Variants in TRIO observed in about 807,000 individuals in gnomAD.
TRIO encodes trio Rho guanine nucleotide exchange factor.
Under a neutral mutation model 351.9 loss-of-function variants are expected in TRIO, and 58 were observed. The observed-to-expected ratio is 0.16, with a 90% confidence interval of 0.13 to 0.21. The LOEUF (loss-of-function observed/expected upper bound fraction) is 0.21. Ranked by LOEUF, TRIO falls within the 10% of genes least tolerant of loss-of-function variation. TRIO has a pLI of 1.00. For synonymous variants in TRIO, 1,758 were observed against 1,595.7 expected, an observed-to-expected ratio of 1.10 and a Z score of -2.42; for missense variants, 3,201 against 4,027.8, an observed-to-expected ratio of 0.79 and a Z score of 5.56.
chr5:14,168,285 G>A (rs1158149238), intron 1 of TRIO, among the ~76,000 whole-genome samples: 1 of 152,214 alleles, frequency 6.6e-6, no homozygotes, highest in East Asian at 1.9e-4. Flanking sequence ...TCATGACTGA[G>A]TTTTATGTGC....
At chr5:14,257,446 A>G (rs560691232) in intron 1 of TRIO, among the ~76,000 whole-genome samples, 1 of 151,778 alleles carries the variant, frequency 6.6e-6, no homozygotes, top group Non-Finnish European at 1.5e-5. Flanking sequence ...AAAAAAAAAA[A>G]TTTTGCTCAC....
At chr5:14,416,376 G>C (rs1561465052) in intron 33 of TRIO, among the ~76,000 whole-genome samples, 1 of 151,896 alleles carries the variant, frequency 6.6e-6, no homozygotes, top group Non-Finnish European at 1.5e-5. Context: ...TGAGCATTGA[G>C]GTGCATCCCC....
rs1458407093 is a variant in TRIO, at chr5:14,337,484, A to T, written c.2046+757A>T. On this transcript the variant is annotated intron_variant, in intron 11 of 56. Coordinates refer to ENST00000344204, the MANE Select transcript of TRIO (RefSeq NM_007118.4). ...GCGTCACTGAGGACCTTCACAGAGG[A>T]TCGTAACTTATTCAGATGCAGCTCT... Among the ~76,000 whole-genome samples the T allele has an allele frequency of 2.6e-5, 4 of 152,292 alleles. No homozygotes were observed. The East Asian group carries it at 7.7e-4, about 29-fold the overall frequency.
At chr5:14,221,954 A>G (rs1792658211) in intron 1 of TRIO, among the ~76,000 whole-genome samples, 1 of 152,216 alleles carries the variant, frequency 6.6e-6, no homozygotes, top group East Asian at 1.9e-4. Flanking sequence ...GAAGTTTTTC[A>G]TCACAGGAAG....
intron 1 of TRIO, chr5:14,183,723 T>C (rs1789934226): frequency 2.2e-6 from 1 of 453,834 alleles, no homozygotes; most frequent in African/African-American, 2.0e-5. Context: ...TCTGTGCTGT[T>C]TCTGCCCCTC....
intron 28 of TRIO, 75 bp from the exon 29 acceptor site, chr5:14,396,968 A>T: frequency 7.7e-7 from 1 of 1,307,052 alleles, no homozygotes; most frequent in South Asian, 1.4e-5. Context: ...GGGCTTTCAT[A>T]AACTGTTTCT....
At chr5:14,291,602 A>G (rs1736909225) in intron 5 of TRIO, among the ~76,000 whole-genome samples, 1 of 151,870 alleles carries the variant, frequency 6.6e-6, no homozygotes, top group Non-Finnish European at 1.5e-5. Context: ...CAGTCTGGCC[A>G]ACATAGTGAA....
At chr5:14,385,710 T>G (rs773799326) in intron 21 of TRIO, among the ~76,000 whole-genome samples, 11 of 152,348 alleles carry the variant, frequency 7.2e-5, no homozygotes, top group Non-Finnish European at 1.3e-4. Flanking sequence ...ATCCTGTAAA[T>G]GTATTTTAAA....
intron 34 of TRIO, among the ~76,000 whole-genome samples, chr5:14,440,130 A>G (rs1751908390): frequency 1.3e-5 from 2 of 152,234 alleles, no homozygotes; most frequent in Non-Finnish European, 2.9e-5. Context: ...TATACTGTCA[A>G]GTTAGATAAA....
chr5:14,508,179 A>G lies in TRIO; in HGVS notation c.9051A>G (p.Lys3017=), dbSNP rs751518687. ...LDFSFPDDYF[K]GVSQKAKEFV... ...TTAGCTTCCCAGATGACTACTTTAA[A>G]GGAGTGAGCCAGAAGGCCAAGGAGT... Residue 3017 remains lysine, a synonymous_variant, in exon 57 of 57, where the codon AAA becomes AAG. Transcript: ENST00000344204. 6.2e-7 allele frequency: 1 copy of G among 1,614,172 alleles called. No individual in the cohort carries two copies. Among genetic ancestry groups the G allele is most frequent in the Non-Finnish European group, 8.5e-7 (1 of 1,180,036 alleles).
At chr5:14,231,602 C>T (rs1204084031) in intron 1 of TRIO, among the ~76,000 whole-genome samples, 2 of 152,192 alleles carry the variant, frequency 1.3e-5, no homozygotes, top group Non-Finnish European at 2.9e-5. Context: ...TCTTCTCTGC[C>T]TTGGAAGCAT....
chr5:14,321,923 T>C (rs1739927764), intron 9 of TRIO, among the ~76,000 whole-genome samples: 2 of 152,252 alleles, frequency 1.3e-5, no homozygotes, highest in South Asian at 4.1e-4. Context: ...TGCTTCTCCT[T>C]TGCCTTCCAC....
chr5:14,162,235 G>A (rs892853599), intron 1 of TRIO, among the ~76,000 whole-genome samples: 1 of 152,200 alleles, frequency 6.6e-6, no homozygotes, highest in Non-Finnish European at 1.5e-5. Context: ...ATCCTGGCTC[G>A]TGGAGGAGCT....
intron 18 of TRIO, among the ~76,000 whole-genome samples, chr5:14,370,010 G>T (rs1199397904): frequency 6.6e-6 from 1 of 152,234 alleles, no homozygotes; most frequent in Non-Finnish European, 1.5e-5. Context: ...CTCAGGAAAT[G>T]CTTCCGACAA....
At chr5:14,290,294 C>T (rs1363741459) in intron 4 of TRIO, among the ~76,000 whole-genome samples, 3 of 152,200 alleles carry the variant, frequency 2.0e-5, no homozygotes. Context: ...CACAGAGTTT[C>T]TGGCATGGAT....
At chr5:14,276,693 G>A (rs181627721) in intron 2 of TRIO, among the ~76,000 whole-genome samples, 55 of 152,286 alleles carry the variant, frequency 3.6e-4, no homozygotes, top group Non-Finnish European at 4.4e-5. Context: ...CAGTTGGTTC[G>A]TTGAAATTTA....
At position 14,329,333 on chromosome 5, in the gene TRIO, G is replaced by C. The variant is rs114985066; in HGVS notation, c.1732-1445G>C. Among the ~76,000 whole-genome samples, 867 of 152,362 alleles carry C rather than the reference G, an allele frequency of 5.7e-3. 1 individual carries two copies. The highest frequency in any genetic ancestry group is 0.01 in the Non-Finnish European group (708 of 68,030). On this transcript the variant is annotated intron_variant, in intron 9 of 56. Transcript: ENST00000344204. ...CAAATTCATGTTGAAATATACTCCA[G>C]AAGAGGTGGGGCTTCCAGGAGGGAA...
chr5:14,449,343 G>C (rs1011954119), intron 34 of TRIO, among the ~76,000 whole-genome samples: 2 of 152,188 alleles, frequency 1.3e-5, no homozygotes, highest in Admixed American at 1.3e-4. Context: ...AAGTCCCATG[G>C]AGGCGGCTTC....
At chr5:14,180,127 A>G (rs951817691) in intron 1 of TRIO, among the ~76,000 whole-genome samples, 1 of 151,146 alleles carries the variant, frequency 6.6e-6, no homozygotes. Flanking sequence ...AAAAAAAAAA[A>G]AGATTAACTG....
Sources: gnomAD v4.1 joint callset for allele counts (sites outside exome capture counted in the v4.1 genomes callset) on GRCh38, gnomAD v4.1.1 for gene constraint, MANE v1.5 for transcripts, NCBI Gene and HGNC (gene_info 2026-07-23, HGNC 2026-07-21) for gene names.